Variants in TEX9 observed in about 807,000 individuals in gnomAD.
The protein encoded by TEX9 is testis expressed 9.
A neutral mutation model predicts 59.6 loss-of-function variants in TEX9; 74 were observed. The ratio of observed to expected loss-of-function variants is 1.24; its 90% CI spans 1.03 to 1.51. The LOEUF (loss-of-function observed/expected upper bound fraction) is 1.51, where lower values mean the gene tolerates loss of function less well. Among genes scored for constraint, TEX9 ranks in the 40% most tolerant of loss-of-function variants. The pLI, the probability that TEX9 is intolerant of heterozygous loss-of-function variation, is 0.00. For missense variants in TEX9, 522 were observed against 447.8 expected (o/e 1.17, Z -1.49); for synonymous variants, 186 against 152.2 (o/e 1.22, Z -1.64).
chr15:56,296,466 A>G (rs2045221077), intron 1 of TEX9, among the ~76,000 whole-genome samples: 1 of 152,210 alleles, frequency 6.6e-6, no homozygotes, highest in Non-Finnish European at 1.5e-5. Flanking sequence ...TTTTTCAAGA[A>G]TTACTCATTA....
the TEX9 span, among the ~76,000 whole-genome samples, chr15:56,457,014 A>G: frequency 1.3e-5 from 2 of 152,164 alleles, no homozygotes; most frequent in Non-Finnish European, 2.9e-5. Flanking sequence ...AGCTTTCCCA[A>G]TTGTCTCAAC....
At chr15:56,257,798 A>G (rs1327621912) in intron 1 of TEX9, among the ~76,000 whole-genome samples, 2 of 152,022 alleles carry the variant, frequency 1.3e-5, no homozygotes, top group East Asian at 3.9e-4. Flanking sequence ...GTTTAATTAG[A>G]TCCCATTTGT....
chr15:56,382,678 G>A (rs546150565), intron 3 of TEX9, among the ~76,000 whole-genome samples: 23 of 152,318 alleles, frequency 1.5e-4, no homozygotes, highest in African/African-American at 5.3e-4. Flanking sequence ...GGCTTGTAAT[G>A]GTGGCTGCGT....
At chr15:56,272,934 A>T (rs2414473) in intron 1 of TEX9, among the ~76,000 whole-genome samples, 79,231 of 129,460 alleles carry the variant, frequency 0.61, 21,270 homozygotes, top group Middle Eastern at 0.67. Flanking sequence ...TTATTTATTT[A>T]TTTATTTTTT....
At chr15:56,427,959 A>G (rs2050394454) in intron 11 of TEX9, among the ~76,000 whole-genome samples, 2 of 152,076 alleles carry the variant, frequency 1.3e-5, no homozygotes, top group South Asian at 4.1e-4. Flanking sequence ...TAGTGTAGAA[A>G]ATGGGACTGG....
intron 12 of TEX9, among the ~76,000 whole-genome samples, chr15:56,430,686 C>T (rs1422681585): frequency 2.0e-5 from 3 of 152,220 alleles, no homozygotes; most frequent in Non-Finnish European, 4.4e-5. Context: ...TTTTCATACA[C>T]ATTCTCATCT....
At chr15:56,332,699 A>G (rs2046176267) in intron 1 of TEX9, among the ~76,000 whole-genome samples, 1 of 152,080 alleles carries the variant, frequency 6.6e-6, no homozygotes, top group Admixed American at 6.5e-5. Context: ...AGCAGAAATA[A>G]ATAAAATTGA....
chr15:56,313,159 C>G (rs1447243315), intron 1 of TEX9, among the ~76,000 whole-genome samples: 32 of 151,636 alleles, frequency 2.1e-4, no homozygotes, highest in East Asian at 7.7e-4. Context: ...CCTAATTGCC[C>G]TGGCCAGAAC....
At chr15:56,345,735 A>C (rs532802169) in intron 1 of TEX9, among the ~76,000 whole-genome samples, 6 of 152,344 alleles carry the variant, frequency 3.9e-5, no homozygotes, top group African/African-American at 1.4e-4. Flanking sequence ...AGATAGTGTG[A>C]CCCAGATTAT....
the TEX9 span, among the ~76,000 whole-genome samples, chr15:56,459,822 C>T: frequency 2.0e-5 from 3 of 149,858 alleles, no homozygotes; most frequent in South Asian, 6.4e-4. Flanking sequence ...GAAACCCCAT[C>T]CCTACTAAAA....
At chr15:56,439,024 C>G (rs2050775663) in intron 12 of TEX9, among the ~76,000 whole-genome samples, 1 of 151,952 alleles carries the variant, frequency 6.6e-6, no homozygotes, top group African/African-American at 2.4e-5. Flanking sequence ...GCCTGTAGCT[C>G]TGGGCAGAAG....
chr15:56,278,739 C>T (rs1422165975), intron 1 of TEX9, among the ~76,000 whole-genome samples: 2 of 151,958 alleles, frequency 1.3e-5, no homozygotes, highest in African/African-American at 4.8e-5. Flanking sequence ...GAAAGTTTCT[C>T]ATAGGTTTTG....
At chr15:56,421,713 G>A (rs960785977) in intron 10 of TEX9, 8 of 151,532 alleles carry the variant, frequency 5.3e-5, no homozygotes, top group East Asian at 3.9e-4. Flanking sequence ...GAGAATATGC[G>A]GTGTTTGGTT....
At chr15:56,341,277 C>T (rs2046367750) in intron 1 of TEX9, among the ~76,000 whole-genome samples, 1 of 152,108 alleles carries the variant, frequency 6.6e-6, no homozygotes, top group South Asian at 2.1e-4. Flanking sequence ...TATAATTACT[C>T]CTCCTCCCAT....
rs116374085 is a variant in TEX9, at chr15:56,260,796, C to A, written c.-107+16518C>A. Among the ~76,000 whole-genome samples, 470 of 151,858 alleles carry A rather than the reference C, an allele frequency of 3.1e-3. 4 individuals are homozygous for A. Among genetic ancestry groups the A allele is most frequent in the African/African-American group, 0.011 (454 of 41,492 alleles). On this transcript the variant is annotated intron_variant, in intron 1 of 5. Coordinates refer to the TEX9 transcript ENST00000560827. ...GGAGGAAGCGTTTTTTCTTTCTTTCCTGAAAGAGGTTATGTAGGATTGATA... is the reference window on the plus strand; with the variant it reads ...GGAGGAAGCGTTTTTTCTTTCTTTCATGAAAGAGGTTATGTAGGATTGATA...
At chr15:56,317,719 A>G (rs1170450148) in intron 1 of TEX9, among the ~76,000 whole-genome samples, 1 of 152,130 alleles carries the variant, frequency 6.6e-6, no homozygotes, top group Non-Finnish European at 1.5e-5. Context: ...TTTCATTTTC[A>G]TTAATCTCAA....
intron 3 of TEX9, among the ~76,000 whole-genome samples, chr15:56,375,277 AT>A (rs2047383338): frequency 1.3e-5 from 2 of 152,070 alleles, no homozygotes; most frequent in South Asian, 2.1e-4. Flanking sequence ...GATGGTGAGC[AT>A]TTTTTCATGT....
chr15:56,299,986 A>G (rs28857551), intron 1 of TEX9, among the ~76,000 whole-genome samples: 4 of 152,072 alleles, frequency 2.6e-5, no homozygotes, highest in African/African-American at 9.7e-5. Flanking sequence ...TGTGGAAAGG[A>G]GAGAAAAGAG....
At chr15:56,306,933 G>C (rs1406663000) in intron 1 of TEX9, among the ~76,000 whole-genome samples, 4 of 152,098 alleles carry the variant, frequency 2.6e-5, no homozygotes, top group Non-Finnish European at 5.9e-5. Flanking sequence ...CATTAATACA[G>C]TTATATTTAG....
Sources: allele counts gnomAD v4.1 joint callset (sites outside exome capture counted in the v4.1 genomes callset), GRCh38; gene constraint gnomAD v4.1.1; transcripts MANE v1.5; gene names NCBI Gene and HGNC (gene_info 2026-07-23, HGNC 2026-07-21).